The following CACYBP variants were observed in gnomAD, a reference collection of about 807,000 sequenced individuals.
CACYBP encodes calcyclin-binding protein.
CACYBP carries 11 observed loss-of-function variants against 29.6 expected under a neutral mutation model. The observed-to-expected ratio is 0.37, with a 90% confidence interval of 0.23 to 0.61. The LOEUF is 0.61. Ranked by LOEUF, CACYBP falls within the 20% of genes least tolerant of loss-of-function variation. CACYBP has a pLI of 0.65. For missense variants in CACYBP, 163 were observed against 260.7 expected (o/e 0.63, Z 2.58); for synonymous variants, 73 against 88.3 (o/e 0.83, Z 0.97).
chr1:175,003,568 ACT>A (rs1339202130), intron 1 of CACYBP, among the ~76,000 whole-genome samples: 5 of 152,308 alleles, frequency 3.3e-5, no homozygotes, highest in Non-Finnish European at 5.9e-5. Context: ...AGGCTTTCAA[ACT>A]CTGTTGTGCG....
At chr1:174,999,645 G>A (rs1169181217), upstream of CACYBP, 2 of 227,830 alleles carry the variant, frequency 8.8e-6, no homozygotes, top group Non-Finnish European at 1.8e-5. Context: ...GCGGACGAAA[G>A]CAGGTGACTC....
In CACYBP at chr1:175,000,514, G is replaced by T; in HGVS notation, c.15+319G>T. 3 of 1,273,266 alleles carry T rather than the reference G, an allele frequency of 2.4e-6. No homozygotes were observed. In the South Asian group the frequency reaches 5.7e-5, roughly 24 times the overall value. The allele number at this position is 1,273,266 out of a possible 1,614,324, so 78.9% of individuals were successfully genotyped here. On this transcript the variant is annotated intron_variant, in intron 1 of 5. Coordinates refer to ENST00000367679, the MANE Select transcript of CACYBP (RefSeq NM_014412.3). ...TGTTCCTCAGGCCCTTTCTGCCCTGGTTTCCCAGCCAGTGGACAGGAAGCT... is the reference window on the plus strand; with the variant it reads ...TGTTCCTCAGGCCCTTTCTGCCCTGTTTTCCCAGCCAGTGGACAGGAAGCT...
At chr1:175,006,670 G>C in intron 2 of CACYBP, 75 bp from the exon 3 acceptor site, 1 of 720,550 alleles carries the variant, frequency 1.4e-6, no homozygotes, top group East Asian at 2.6e-5. Flanking sequence ...CCTGACTTAT[G>C]AGCCATGTGC....
chr1:175,000,396 C>G, intron 1 of CACYBP: 8 of 1,409,894 alleles, frequency 5.7e-6, no homozygotes, highest in Non-Finnish European at 7.4e-6. Context: ...CGACCTCGCA[C>G]CCCACTCGCC....
chr1:175,007,113 G>T lies in CACYBP; in HGVS notation c.348G>T (p.Leu116Phe). 1.2e-6 allele frequency: 2 copies of T among 1,602,774 alleles called. No individual in the cohort carries two copies. The highest frequency in any genetic ancestry group is 1.7e-6 in the Non-Finnish European group (2 of 1,170,864). Reference sequence around the variant, plus strand: ...TGTGTTGCAGGTCATTTGATCTTTTGGTAAAGAATCTAAATGGGAAGAGTT... The same window carrying T: ...TGTGTTGCAGGTCATTTGATCTTTTTGTAAAGAATCTAAATGGGAAGAGTT... ...VHFTERSFDL[L>F]VKNLNGKSYS... Residue 116 changes from leucine to phenylalanine, a missense_variant, in exon 4 of 6, where the codon TTG becomes TTT. Physicochemically the swap from Leu to Phe is conservative, Grantham distance 22. Coordinates refer to ENST00000367679, the MANE Select transcript of CACYBP (RefSeq NM_014412.3).
At position 175,011,660 on chromosome 1, in the gene CACYBP, T is replaced by TAAAG. The variant is rs1233969698; in HGVS notation, c.*1583_*1586dup. ...AGAAATGTAAATGACCTTTAACATG[T>TAAAG]AAAGATGCTCACCTTGTTCAGAAGA... On this transcript the variant is annotated 3_prime_UTR_variant, in exon 6 of 6. Coordinates refer to ENST00000367679, the MANE Select transcript of CACYBP (RefSeq NM_014412.3). The TAAAG allele has an allele frequency of 2.6e-5, 4 of 152,206 alleles. No individual in the cohort carries two copies. Among genetic ancestry groups the TAAAG allele is most frequent in the East Asian group, 3.8e-4 (2 of 5,202 alleles). 9.4% of individuals were successfully genotyped at this position (152,206 alleles called of 1,614,324 possible).
At position 175,000,127 on chromosome 1, in the gene CACYBP, C is replaced by G; in HGVS notation, c.-54C>G. On this transcript the variant is annotated 5_prime_UTR_variant, in exon 1 of 6. Coordinates refer to ENST00000367679, the MANE Select transcript of CACYBP (RefSeq NM_014412.3). ...GTTTGAGGGCTCGGCGCGGGGTTTC[C>G]TGTTCCTCCTTCTGCGCGGCTGCAG... The G allele has an allele frequency of 2.5e-6, 4 of 1,580,002 alleles. No individual in the cohort carries two copies. The South Asian group carries it at 3.5e-5, about 14-fold the overall frequency.
chr1:175,000,038 G>A lies in CACYBP; in HGVS notation c.-143G>A. On this transcript the variant is annotated 5_prime_UTR_variant, in exon 1 of 6. Coordinates refer to ENST00000367679, the MANE Select transcript of CACYBP (RefSeq NM_014412.3). ...CGTGCGGGAGGCGGGCCGCGATCTTGCGCAGGGTCGGTGTGGGCGCAGGCT... is the reference window on the plus strand; with the variant it reads ...CGTGCGGGAGGCGGGCCGCGATCTTACGCAGGGTCGGTGTGGGCGCAGGCT... 8.2e-7 allele frequency: 1 copy of A among 1,215,182 alleles called. No individual in the cohort carries two copies. The highest frequency in any genetic ancestry group is 1.3e-5 in the South Asian group (1 of 76,938). 75.3% of individuals were successfully genotyped at this position (1,215,182 alleles called of 1,614,324 possible).
intron 2 of CACYBP, among the ~76,000 whole-genome samples, chr1:175,005,659 G>C (rs1347101090): frequency 6.6e-6 from 1 of 152,102 alleles, no homozygotes; most frequent in Non-Finnish European, 1.5e-5. Context: ...TGTGTATGTC[G>C]TGCTTAAGAG....
At chr1:175,008,916 A>G (rs1230058116) in intron 5 of CACYBP, 3 of 492,978 alleles carry the variant, frequency 6.1e-6, no homozygotes, top group Non-Finnish European at 7.3e-6. Context: ...TTGTGCTTCT[A>G]TACAAATAAC....
chr1:175,002,481 C>T (rs1175099538), intron 1 of CACYBP, among the ~76,000 whole-genome samples: 1 of 152,044 alleles, frequency 6.6e-6, no homozygotes, highest in Non-Finnish European at 1.5e-5. Context: ...GGTGTTAATG[C>T]CTCCTAGTGA....
At position 175,006,669 on chromosome 1, in the gene CACYBP, T is replaced by C. The variant is rs114305789; in HGVS notation, c.236-76T>C. 174 of 727,368 alleles carry C rather than the reference T, an allele frequency of 2.4e-4. 1 individual carries two copies. Among genetic ancestry groups the C allele is most frequent in the African/African-American group, 2.4e-3 (133 of 56,256 alleles). The allele number at this position is 727,368 out of a possible 1,614,324, so 45.1% of individuals were successfully genotyped here. ...TTCATAATTTTACTTTCCTGACTTA[T>C]GAGCCATGTGCATTTGCTGTTCTAA... On this transcript the variant is annotated intron_variant, in intron 2 of 5. Coordinates refer to ENST00000367679, the MANE Select transcript of CACYBP (RefSeq NM_014412.3).
At chr1:175,008,145 T>C (rs866128160) in intron 4 of CACYBP, among the ~76,000 whole-genome samples, 5 of 152,144 alleles carry the variant, frequency 3.3e-5, no homozygotes, top group Admixed American at 6.5e-5. Context: ...TACTGCCTTA[T>C]ACGACTTGGT....
Position 175,010,946 on chromosome 1 carries a change from A to T in CACYBP, c.*867A>T, listed in dbSNP as rs2149412747. On this transcript the variant is annotated 3_prime_UTR_variant, in exon 6 of 6. Coordinates refer to ENST00000367679, the MANE Select transcript of CACYBP (RefSeq NM_014412.3). ...CCTGGAGGTATTAGCCAACACAGTT[A>T]GATCAGAGAAAGCAATTGAAGCCAG... is the stretch of plus-strand genomic sequence containing the variant. 1 of 152,148 alleles carries T rather than the reference A, an allele frequency of 6.6e-6. No individual in the cohort carries two copies. The highest frequency in any genetic ancestry group is 2.4e-5 in the African/African-American group (1 of 41,510). The allele number at this position is 152,148 out of a possible 1,614,324, so 9.4% of individuals were successfully genotyped here.
At chr1:175,009,643 CAAAAA>C (rs67446162) in intron 5 of CACYBP, among the ~76,000 whole-genome samples, 4 of 100,506 alleles carry the variant, frequency 4.0e-5, no homozygotes, top group African/African-American at 1.3e-4. Context: ...AGGACTGTCT[CAAAAA>C]AAAAAAAAAA....
chr1:175,003,788 A>G (rs1210408785), intron 1 of CACYBP, among the ~76,000 whole-genome samples: 1 of 152,236 alleles, frequency 6.6e-6, no homozygotes, highest in Non-Finnish European at 1.5e-5. Context: ...CTTAGGCTCA[A>G]TAATTTTCTA....
intron 1 of CACYBP, among the ~76,000 whole-genome samples, chr1:175,003,991 T>G (rs1672555995): frequency 6.6e-6 from 1 of 152,196 alleles, no homozygotes; most frequent in Admixed American, 6.5e-5. Context: ...ACTCCTACAC[T>G]TCTGAGTGTA....
chr1:175,005,688 T>C (rs577472296), intron 2 of CACYBP, among the ~76,000 whole-genome samples: 78 of 152,282 alleles, frequency 5.1e-4, no homozygotes, highest in Non-Finnish European at 9.0e-4. Context: ...TATAGTAATA[T>C]AGGAAATTGC....
At chr1:175,004,517 C>A in intron 1 of CACYBP, 97 bp from the exon 2 acceptor site, 1 of 713,144 alleles carries the variant, frequency 1.4e-6, no homozygotes, top group Non-Finnish European at 2.3e-6. Context: ...CTTCTTAATT[C>A]TTAGTGCTTA....
Sources: gnomAD v4.1 joint callset for allele counts (sites outside exome capture counted in the v4.1 genomes callset) on GRCh38, gnomAD v4.1.1 for gene constraint, MANE v1.5 for transcripts, NCBI Gene and HGNC (gene_info 2026-07-23, HGNC 2026-07-21) for gene names.